LIPC: variants seen among roughly 807,000 people sequenced by gnomAD.
LIPC encodes the protein lipase C, hepatic type.
Under a neutral mutation model 50.7 loss-of-function variants are expected in LIPC, and 44 were observed. The observed-to-expected ratio is 0.87, with a 90% CI of 0.68 to 1.11. The LOEUF (loss-of-function observed/expected upper bound fraction) is 1.11. Ranked by LOEUF, LIPC falls within the 50% of genes most tolerant of loss-of-function variation. The probability of loss-of-function intolerance (pLI) is 0.00; values close to 1 mark genes in which losing one functional copy is unlikely to be tolerated. For synonymous variants in LIPC, 271 were observed against 256.4 expected (o/e 1.06, Z -0.54); for missense variants, 697 against 648.2 (o/e 1.08, Z -0.82).
At chr15:58,539,309 A>G (rs184280996) in intron 2 of LIPC, among the ~76,000 whole-genome samples, 1 of 152,370 alleles carries the variant, frequency 6.6e-6, no homozygotes, top group East Asian at 1.9e-4. Flanking sequence ...TAGGTGTCCC[A>G]GAGCCTCTGT....
chr15:58,457,743 T>C (rs1170712487), intron 1 of LIPC, among the ~76,000 whole-genome samples: 1 of 152,240 alleles, frequency 6.6e-6, no homozygotes, highest in Non-Finnish European at 1.5e-5. Context: ...TAGCACTGGC[T>C]TGGTCATTTC....
chr15:58,492,234 A>G (rs1233220683), intron 1 of LIPC, among the ~76,000 whole-genome samples: 1 of 152,188 alleles, frequency 6.6e-6, no homozygotes, highest in African/African-American at 2.4e-5. Flanking sequence ...TGTGAATGGC[A>G]GGTAGGAAAG....
chr15:58,542,464 C>A, intron 3 of LIPC, 70 bp from the exon 4 acceptor site: 2 of 1,000,448 alleles, frequency 2.0e-6, no homozygotes, highest in Non-Finnish European at 3.2e-6. Flanking sequence ...GGCGCCACAA[C>A]ACACTGGACC....
intron 1 of LIPC, among the ~76,000 whole-genome samples, chr15:58,487,368 A>T (rs1238587975): frequency 6.6e-6 from 1 of 152,238 alleles, no homozygotes; most frequent in Non-Finnish European, 1.5e-5. Flanking sequence ...AACAGTTAGC[A>T]GACTGCTTGG....
chr15:58,538,715 G>A (rs557027783), intron 2 of LIPC, among the ~76,000 whole-genome samples, 198 bp downstream of exon 2: 20 of 152,248 alleles, frequency 1.3e-4, no homozygotes, highest in East Asian at 3.9e-4. Flanking sequence ...AGTAAGCAGC[G>A]TGAGAAAATA....
chr15:58,550,613 G>C (rs966775480), intron 6 of LIPC, among the ~76,000 whole-genome samples: 2 of 152,012 alleles, frequency 1.3e-5, no homozygotes, highest in African/African-American at 4.8e-5. Flanking sequence ...ACCCTCAGGG[G>C]GCTCGGTGGA....
At chr15:58,495,205 G>C (rs577477100) in intron 1 of LIPC, among the ~76,000 whole-genome samples, 17 of 152,306 alleles carry the variant, frequency 1.1e-4, no homozygotes, top group African/African-American at 3.9e-4. Context: ...TGCAGTGTGG[G>C]CTGGGCAGGT....
intron 2 of LIPC, among the ~76,000 whole-genome samples, chr15:58,538,880 C>T (rs1045017395): frequency 1.3e-5 from 2 of 152,314 alleles, no homozygotes; most frequent in Middle Eastern, 3.4e-3. Context: ...AATGGACTCC[C>T]AATGAAATGT....
chr15:58,486,613 T>C (rs1290603096), intron 1 of LIPC, among the ~76,000 whole-genome samples: 1 of 152,178 alleles, frequency 6.6e-6, no homozygotes, highest in Non-Finnish European at 1.5e-5. Context: ...AGACTCAGCA[T>C]ATTTAGGAGA....
chr15:58,503,541 C>G (rs1432305924), intron 1 of LIPC, among the ~76,000 whole-genome samples: 2 of 152,214 alleles, frequency 1.3e-5, no homozygotes, highest in African/African-American at 4.8e-5. Context: ...CGCATATCAG[C>G]ACCCTACTGG....
intron 6 of LIPC, among the ~76,000 whole-genome samples, chr15:58,551,931 G>A (rs1595946169): frequency 6.6e-6 from 1 of 152,262 alleles, no homozygotes; most frequent in East Asian, 1.9e-4. Context: ...CCAGAACTCG[G>A]GTAAACACTG....
intron 1 of LIPC, among the ~76,000 whole-genome samples, chr15:58,481,628 C>A (rs1174132588): frequency 6.6e-6 from 1 of 151,224 alleles, no homozygotes; most frequent in Admixed American, 6.6e-5. Context: ...CATGGCGAAA[C>A]CCCATCTCTT....
intron 1 of LIPC, among the ~76,000 whole-genome samples, chr15:58,450,069 C>A (rs1462383067): frequency 6.6e-6 from 1 of 152,252 alleles, no homozygotes; most frequent in African/African-American, 2.4e-5. Context: ...TTGCCCCTGT[C>A]TTATGGGGTG....
At position 58,475,951 on chromosome 15, in the gene LIPC, G is replaced by A. The variant is rs553563717; in HGVS notation, c.88+43831G>A. ...ATTAATGGAAAGCAGGTAGCACAGT[G>A]CCTGACACAGTATAAGCACTGAACA... On this transcript the variant is annotated intron_variant, in intron 1 of 8. Transcript: ENST00000299022. Among the ~76,000 whole-genome samples the A allele has an allele frequency of 1.4e-4, 21 of 152,338 alleles. No homozygotes were observed. In the South Asian group the frequency reaches 4.3e-3, roughly 32 times the overall value.
At chr15:58,450,482 C>T (rs1893861378) in intron 1 of LIPC, among the ~76,000 whole-genome samples, 1 of 152,074 alleles carries the variant, frequency 6.6e-6, no homozygotes, top group Non-Finnish European at 1.5e-5. Flanking sequence ...GTGTTTGGCA[C>T]TTGGGAAAAA....
chr15:58,449,856 T>C (rs1271626503), intron 1 of LIPC, among the ~76,000 whole-genome samples: 1 of 152,170 alleles, frequency 6.6e-6, no homozygotes, highest in Non-Finnish European at 1.5e-5. Flanking sequence ...GGGTTTTAAA[T>C]GCATTTGTTT....
intron 1 of LIPC, among the ~76,000 whole-genome samples, chr15:58,519,268 G>T (rs368228625): frequency 6.6e-6 from 1 of 151,918 alleles, no homozygotes; most frequent in Non-Finnish European, 1.5e-5. Flanking sequence ...AAAATTAGCC[G>T]AGCGTGGTGG....
intron 1 of LIPC, among the ~76,000 whole-genome samples, chr15:58,445,157 A>G (rs1192589726): frequency 2.0e-5 from 3 of 152,206 alleles, no homozygotes; most frequent in Non-Finnish European, 2.9e-5. Context: ...CTTCAACAGA[A>G]TGATTGGGAC....
At chr15:58,533,423 A>G (rs2140895830) in intron 1 of LIPC, among the ~76,000 whole-genome samples, 1 of 152,358 alleles carries the variant, frequency 6.6e-6, no homozygotes, top group Non-Finnish European at 1.5e-5. Context: ...AGAGATATAA[A>G]TAGGATCACA....
Sources: gnomAD v4.1 joint callset for allele counts (sites outside exome capture counted in the v4.1 genomes callset) on GRCh38, gnomAD v4.1.1 for gene constraint, MANE v1.5 for transcripts, NCBI Gene and HGNC (gene_info 2026-07-23, HGNC 2026-07-21) for gene names.